The following NSD3 variants were observed in gnomAD, a reference collection of about 807,000 sequenced individuals.
NSD3 encodes the protein histone-lysine N-methyltransferase NSD3.
NSD3 carries 24 observed loss-of-function variants against 160.8 expected under a neutral mutation model. The ratio of observed to expected loss-of-function variants is 0.15; its 90% CI spans 0.11 to 0.21. The LOEUF (loss-of-function observed/expected upper bound fraction) is 0.21. Among genes scored for constraint, NSD3 ranks in the 10% least tolerant of loss-of-function variants. The probability of loss-of-function intolerance (pLI) is 1.00; values close to 1 mark genes in which losing one functional copy is unlikely to be tolerated. For missense variants in NSD3, 1,157 were observed against 1,735.9 expected (o/e 0.67, Z 5.93); for synonymous variants, 520 against 600.0 (o/e 0.87, Z 1.95).
chr8:38,375,750 T>C (rs1811372722), intron 1 of NSD3, among the ~76,000 whole-genome samples: 1 of 152,022 alleles, frequency 6.6e-6, no homozygotes, highest in South Asian at 2.1e-4. Flanking sequence ...ATGCTGGACA[T>C]GTTTATTAAC....
chr8:38,349,448 T>C lies in NSD3; in HGVS notation c.-44-1233A>G, dbSNP rs532056482. On this transcript the variant is annotated intron_variant, in intron 1 of 23. Transcript: ENST00000317025. ...ATCCTCCTGCTTCAGCCTCCCAAAG[T>C]GCTGAGATTATAGGCATGAGTCACC... 2.6e-5 allele frequency among the ~76,000 whole-genome samples: 4 copies of C among 151,904 alleles called. No individual in the cohort carries two copies. The East Asian group carries it at 7.7e-4, about 29-fold the overall frequency.
intron 15 of NSD3, among the ~76,000 whole-genome samples, chr8:38,298,422 ACTTT>A (rs1477290311): frequency 6.6e-6 from 1 of 152,168 alleles, no homozygotes; most frequent in Non-Finnish European, 1.5e-5. Context: ...GCTTAGTCTC[ACTTT>A]CTTTTAGTCA....
rs909764117 is a variant in NSD3, at chr8:38,274,250, T to C, written c.*1391A>G. On this transcript the variant is annotated 3_prime_UTR_variant, in exon 24 of 24. Transcript: ENST00000317025. ...TTTTCATACAAGGAATACTGGAATATACATATTCCTAAGCATTAAAAGCAA... is the reference window on the plus strand; with the variant it reads ...TTTTCATACAAGGAATACTGGAATACACATATTCCTAAGCATTAAAAGCAA... 4 of 152,256 alleles carry C rather than the reference T, an allele frequency of 2.6e-5. No homozygotes were observed. Among genetic ancestry groups the C allele is most frequent in the African/African-American group, 9.6e-5 (4 of 41,476 alleles). 9.4% of individuals were successfully genotyped at this position (152,256 alleles called of 1,614,324 possible). A position where few individuals can be genotyped will look rare whatever the true frequency, so the allele number is the denominator to read the frequency against.
At chr8:38,369,749 TC>T (rs1224688382) in intron 1 of NSD3, among the ~76,000 whole-genome samples, 1 of 152,168 alleles carries the variant, frequency 6.6e-6, no homozygotes, top group African/African-American at 2.4e-5. Flanking sequence ...TCTCCTTGAC[TC>T]TTGCCCTATA....
chr8:38,286,667 G>A (rs373250297), intron 19 of NSD3, among the ~76,000 whole-genome samples: 1 of 152,324 alleles, frequency 6.6e-6, no homozygotes, highest in African/African-American at 2.4e-5. Context: ...TCCCATGGCA[G>A]ATATGGCCAG....
chr8:38,362,578 G>GT (rs1811002537), intron 1 of NSD3, among the ~76,000 whole-genome samples: 1 of 152,110 alleles, frequency 6.6e-6, no homozygotes, highest in Admixed American at 6.5e-5. Flanking sequence ...AAATACGAGT[G>GT]TAAGTACATC....
chr8:38,340,281 CAT>C (rs778538677), intron 2 of NSD3, among the ~76,000 whole-genome samples: 62 of 152,122 alleles, frequency 4.1e-4, no homozygotes, highest in Non-Finnish European at 3.4e-4. Context: ...TATTTCAAAA[CAT>C]TTAAAGACAC....
intron 19 of NSD3, among the ~76,000 whole-genome samples, chr8:38,283,330 G>A (rs1050760118): frequency 6.6e-6 from 1 of 151,980 alleles, no homozygotes; most frequent in Non-Finnish European, 1.5e-5. Context: ...ATATTTTAGA[G>A]GAAAATAAAT....
At chr8:38,334,165 A>C (rs1397163561) in intron 4 of NSD3, among the ~76,000 whole-genome samples, 2 of 152,248 alleles carry the variant, frequency 1.3e-5, no homozygotes, top group Non-Finnish European at 2.9e-5. Flanking sequence ...TTAAAACTAT[A>C]CTATATAGCC....
At position 38,319,056 on chromosome 8, in the gene NSD3, A is replaced by T. The variant is rs183147355; in HGVS notation, c.1810-116T>A. 1.4e-5 allele frequency: 13 copies of T among 931,966 alleles called. No homozygotes were observed. The highest frequency in any genetic ancestry group is 1.8e-5 in the Non-Finnish European group (11 of 609,910). The allele number at this position is 931,966 out of a possible 1,614,324, so 57.7% of individuals were successfully genotyped here. A position where few individuals can be genotyped will look rare whatever the true frequency, so the allele number is the denominator to read the frequency against. On this transcript the variant is annotated intron_variant, in intron 8 of 23. Transcript: ENST00000317025. The surrounding 1 kb of genome is among the most constrained non-coding windows in gnomAD (Gnocchi z 4.1). ...AATGATGAGTGATTAATGTATCTGA[A>T]ATCTGAACTCAGTCCCATCTTTTGG...
intron 1 of NSD3, among the ~76,000 whole-genome samples, chr8:38,358,330 C>T (rs902556517): frequency 1.3e-5 from 2 of 152,154 alleles, no homozygotes; most frequent in Admixed American, 6.5e-5. Context: ...CAGAGGAAGA[C>T]GGTGGTCTTC....
At chr8:38,338,112 C>T (rs555563465) in intron 3 of NSD3, among the ~76,000 whole-genome samples, 1 of 151,992 alleles carries the variant, frequency 6.6e-6, no homozygotes, top group African/African-American at 2.4e-5. Flanking sequence ...CCAGCCTGGC[C>T]AACACAGTGA....
chr8:38,373,933 A>C (rs941711448), intron 1 of NSD3, among the ~76,000 whole-genome samples: 5 of 140,670 alleles, frequency 3.6e-5, no homozygotes, highest in Non-Finnish European at 6.1e-5. Context: ...CTCTGTCTCT[A>C]CAAAAAAAAA....
intron 19 of NSD3, among the ~76,000 whole-genome samples, chr8:38,285,253 A>G (rs956137799): frequency 1.3e-4 from 20 of 152,270 alleles, no homozygotes; most frequent in African/African-American, 4.1e-4. Context: ...CTGTCATTCA[A>G]TATTTAATAC....
Position 38,317,326 on chromosome 8 carries a change from C to A in NSD3, c.1856-1284G>T, listed in dbSNP as rs1414114461. On this transcript the variant is annotated intron_variant, in intron 9 of 23. Transcript: ENST00000317025. This position sits in a 1 kb window ranked among gnomAD's most constrained non-coding sequence, Gnocchi z 5.3. ...GATTAAAAAACACAAGTACACAAATCTATCTCCTTCATTGCTGGTGTATGG... is the reference window on the plus strand; with the variant it reads ...GATTAAAAAACACAAGTACACAAATATATCTCCTTCATTGCTGGTGTATGG... The A allele has an allele frequency of 4.7e-6, 5 of 1,058,124 alleles. No individual in the cohort carries two copies. Among genetic ancestry groups the A allele is most frequent in the Non-Finnish European group, 5.7e-6 (5 of 874,744 alleles). 65.5% of individuals were successfully genotyped at this position (1,058,124 alleles called of 1,614,324 possible). A position where few individuals can be genotyped will look rare whatever the true frequency, so the allele number is the denominator to read the frequency against.
At chr8:38,346,638 T>C (rs1585909729) in intron 2 of NSD3, among the ~76,000 whole-genome samples, 1 of 151,998 alleles carries the variant, frequency 6.6e-6, no homozygotes, top group Non-Finnish European at 1.5e-5. Context: ...CTGGGACTTG[T>C]GAGAGTCTAG....
At chr8:38,360,765 A>T (rs918722691) in intron 1 of NSD3, among the ~76,000 whole-genome samples, 2 of 152,182 alleles carry the variant, frequency 1.3e-5, no homozygotes, top group African/African-American at 4.8e-5. Context: ...TAAAAAAAAA[A>T]TTTGGGAAAA....
chr8:38,373,935 A>C (rs945619083), intron 1 of NSD3, among the ~76,000 whole-genome samples: 3 of 124,042 alleles, frequency 2.4e-5, no homozygotes, highest in African/African-American at 1.0e-4. Flanking sequence ...CTGTCTCTAC[A>C]AAAAAAAAAA....
At chr8:38,278,190 G>T (rs1018137750) in intron 22 of NSD3, 116 bp downstream of exon 22, 4 of 721,676 alleles carry the variant, frequency 5.5e-6, no homozygotes, top group East Asian at 3.1e-5. Flanking sequence ...TGCCCGCCTT[G>T]GCCTCCCAAA....
Sources: gnomAD v4.1 joint callset for allele counts (sites outside exome capture counted in the v4.1 genomes callset) on GRCh38, gnomAD v4.1.1 for gene constraint, Gnocchi (gnomAD v3.1) non-coding constraint, MANE v1.5 for transcripts, NCBI Gene and HGNC (gene_info 2026-07-23, HGNC 2026-07-21) for gene names.